NRG1: variants seen among roughly 807,000 people sequenced by gnomAD.
NRG1 encodes the protein neuregulin 1.
NRG1 carries 18 observed loss-of-function variants against 63.8 expected under a neutral mutation model. The ratio of observed to expected loss-of-function variants is 0.28; its 90% confidence interval spans 0.19 to 0.42. NRG1 has a LOEUF of 0.42. Among genes scored for constraint, NRG1 ranks in the 10% least tolerant of loss-of-function variants. NRG1 has a pLI of 1.00. For missense variants in NRG1, 762 were observed against 814.7 expected (o/e 0.94, Z 0.79); for synonymous variants, 302 against 301.3 (o/e 1.00, Z -0.02).
At chr8:31,997,013 G>A (rs1812096810) in intron 1 of NRG1, among the ~76,000 whole-genome samples, 1 of 151,844 alleles carries the variant, frequency 6.6e-6, no homozygotes, top group Non-Finnish European at 1.5e-5. Context: ...AAACACAATA[G>A]TTATTAAGGC....
chr8:31,757,286 C>T (rs1490171755), intron 1 of NRG1, among the ~76,000 whole-genome samples: 1 of 151,966 alleles, frequency 6.6e-6, no homozygotes, highest in Non-Finnish European at 1.5e-5. Flanking sequence ...CTGTTTTAAG[C>T]CTGACATAGA....
At chr8:32,577,424 T>C (rs1376785271) in intron 1 of NRG1, among the ~76,000 whole-genome samples, 1 of 152,238 alleles carries the variant, frequency 6.6e-6, no homozygotes, top group East Asian at 1.9e-4. Flanking sequence ...GACAGGTCCC[T>C]GTCCTGCCAC....
intron 1 of NRG1, among the ~76,000 whole-genome samples, chr8:32,260,055 A>C (rs1850193797): frequency 6.6e-6 from 1 of 152,186 alleles, no homozygotes; most frequent in Admixed American, 6.5e-5. Context: ...CTCTGCCCCA[A>C]CTTGATAAAA....
intron 1 of NRG1, among the ~76,000 whole-genome samples, chr8:31,888,280 C>A (rs1830881047): frequency 6.6e-6 from 1 of 151,950 alleles, no homozygotes; most frequent in Non-Finnish European, 1.5e-5. Flanking sequence ...TGACAATACC[C>A]CAAACTACTG....
chr8:32,054,932 G>A (rs113874049), intron 1 of NRG1, among the ~76,000 whole-genome samples: 3,597 of 121,114 alleles, frequency 0.03, 169 homozygotes, highest in African/African-American at 0.1. Flanking sequence ...CTGTCACCCA[G>A]GCTGGAGTGC....
At chr8:32,210,664 T>C (rs7836913) in intron 1 of NRG1, among the ~76,000 whole-genome samples, 39,645 of 152,098 alleles carry the variant, frequency 0.26, 6,105 homozygotes, top group African/African-American at 0.44. Context: ...AAACACTAGC[T>C]GAATTTTCTT....
Position 32,589,723 on chromosome 8 carries a change from C to G in NRG1, c.101-6105C>G, listed in dbSNP as rs553226646. On this transcript the variant is annotated intron_variant, in intron 1 of 11. Coordinates refer to ENST00000356819, the Ensembl canonical transcript of NRG1. ...CACATGCTAAAATTTGTTTCCTGTT[C>G]TTAACAATACAGTACAATATTCGAT... 5.3e-5 allele frequency among the ~76,000 whole-genome samples: 8 copies of G among 152,210 alleles called. No homozygotes were observed. The South Asian group carries it at 1.7e-3, about 32-fold the overall frequency.
At chr8:32,035,913 G>A (rs568570846) in intron 1 of NRG1, among the ~76,000 whole-genome samples, 1 of 152,192 alleles carries the variant, frequency 6.6e-6, no homozygotes, top group African/African-American at 2.4e-5. Flanking sequence ...TTTAGTTGGG[G>A]CATTTAGCCC....
chr8:31,676,372 C>T (rs1807700001), intron 1 of NRG1, among the ~76,000 whole-genome samples: 1 of 152,158 alleles, frequency 6.6e-6, no homozygotes, highest in Non-Finnish European at 1.5e-5. Flanking sequence ...ATGCTTCCTT[C>T]CTTTCTTCTT....
intron 1 of NRG1, among the ~76,000 whole-genome samples, chr8:31,750,265 C>T (rs1355808346): frequency 2.6e-5 from 4 of 151,912 alleles, no homozygotes; most frequent in Non-Finnish European, 5.9e-5. Context: ...ATTGCTTCCA[C>T]AGGGGACTGT....
At chr8:32,169,400 G>A (rs565131073) in intron 1 of NRG1, among the ~76,000 whole-genome samples, 36 of 152,296 alleles carry the variant, frequency 2.4e-4, no homozygotes, top group African/African-American at 7.7e-4. Context: ...TAGGATTTGC[G>A]ATTTGTCGGA....
intron 1 of NRG1, among the ~76,000 whole-genome samples, chr8:32,094,060 G>A (rs1393041969): frequency 6.6e-6 from 1 of 152,202 alleles, no homozygotes; most frequent in Non-Finnish European, 1.5e-5. Context: ...CACTTAAAGA[G>A]ATAGGGGGTT....
At chr8:31,865,690 A>G (rs368394071) in intron 1 of NRG1, among the ~76,000 whole-genome samples, 1 of 152,126 alleles carries the variant, frequency 6.6e-6, no homozygotes, top group Admixed American at 6.6e-5. Context: ...TTCTGCCACA[A>G]TTGTAAGTTT....
intron 1 of NRG1, chr8:32,061,862 G>A (rs1356643282): frequency 1.3e-5 from 2 of 151,946 alleles, no homozygotes; most frequent in Non-Finnish European, 2.9e-5. Context: ...ATTCTTTGTT[G>A]CGTCATATTA....
intron 1 of NRG1, among the ~76,000 whole-genome samples, chr8:32,500,239 T>A (rs1253670828): frequency 6.6e-6 from 1 of 152,336 alleles, no homozygotes; most frequent in East Asian, 1.9e-4. Context: ...GAATAGACTT[T>A]TAAAAGCTCT....
In NRG1 at chr8:31,676,110, A is replaced by G. The variant is rs555259184; in HGVS notation, c.37+36679A>G. On this transcript the variant is annotated intron_variant, in intron 1 of 10. Transcript: ENST00000519301. ...TTCTGATTGTAATGTGTAATGTTGC[A>G]TTTCCTGTGAAAGGAATTCCAGGCT... Among the ~76,000 whole-genome samples the G allele has an allele frequency of 4.6e-5, 7 of 152,186 alleles. No homozygotes were observed. In the South Asian group the frequency reaches 1.0e-3, roughly 23 times the overall value.
At chr8:31,911,744 T>A (rs1272562622) in intron 1 of NRG1, among the ~76,000 whole-genome samples, 1 of 152,234 alleles carries the variant, frequency 6.6e-6, no homozygotes, top group African/African-American at 2.4e-5. Context: ...TTTTTCTGTA[T>A]CTTAGGATCA....
At chr8:31,679,885 A>G (rs1808136552) in intron 1 of NRG1, among the ~76,000 whole-genome samples, 1 of 152,166 alleles carries the variant, frequency 6.6e-6, no homozygotes, top group Non-Finnish European at 1.5e-5. Context: ...AAATCAATGT[A>G]CAAAATCAAT....
At chr8:32,353,268 T>C (rs1393902229) in intron 1 of NRG1, among the ~76,000 whole-genome samples, 1 of 150,432 alleles carries the variant, frequency 6.6e-6, no homozygotes, top group Non-Finnish European at 1.5e-5. Flanking sequence ...TTATATTAAT[T>C]TTGTACCTAT....
Sources: gnomAD v4.1 joint callset for allele counts (sites outside exome capture counted in the v4.1 genomes callset) on GRCh38, gnomAD v4.1.1 for gene constraint, MANE v1.5 for transcripts, NCBI Gene and HGNC (gene_info 2026-07-23, HGNC 2026-07-21) for gene names.